Variants in ZNF28 observed in about 807,000 individuals in gnomAD.
The protein encoded by ZNF28 is zinc finger protein KOX24.
Under a neutral mutation model 7.2 loss-of-function variants are expected in ZNF28, and 5 were observed. The ratio of observed to expected loss-of-function variants is 0.70; its 90% confidence interval spans 0.36 to 1.46. ZNF28 has a LOEUF of 1.46. ZNF28 is among the 40% of genes most tolerant of loss of function. The pLI is 0.03. For synonymous variants in ZNF28, 288 were observed against 292.4 expected (o/e 0.99, Z 0.15); for missense variants, 879 against 866.6 (o/e 1.01, Z -0.18).
chr19:52,810,338 T>C (rs1230966449), intron 2 of ZNF28: 4 of 1,603,862 alleles, frequency 2.5e-6, no homozygotes, highest in Non-Finnish European at 2.6e-6. Context: ...TGGACTGCGG[T>C]GCAACAGCAG....
At chr19:52,818,440 C>G (rs921039223) in intron 1 of ZNF28, among the ~76,000 whole-genome samples, 4 of 152,004 alleles carry the variant, frequency 2.6e-5, no homozygotes, top group Admixed American at 6.6e-5. Context: ...GGGCTGGGCT[C>G]AGTGGCTCAT....
At chr19:52,817,215 A>T (rs2063137992) in intron 2 of ZNF28, among the ~76,000 whole-genome samples, 3 of 152,086 alleles carry the variant, frequency 2.0e-5, no homozygotes, top group Admixed American at 2.0e-4. Context: ...TCTACTAAAA[A>T]TACAAAATTA....
chr19:52,813,248 T>TAAAAAAAAA (rs2063076482), intron 2 of ZNF28, among the ~76,000 whole-genome samples: 3 of 4,754 alleles, frequency 6.3e-4, no homozygotes, highest in Non-Finnish European at 1.7e-3. Flanking sequence ...ACTTGAATGG[T>TAAAAAAAAA]GAAAAAAAAA....
At chr19:52,812,355 C>T (rs886898048) in intron 2 of ZNF28, among the ~76,000 whole-genome samples, 2 of 141,244 alleles carry the variant, frequency 1.4e-5, no homozygotes, top group Admixed American at 6.9e-5. Flanking sequence ...ATTGAGAAAT[C>T]GGATGATTGC....
At position 52,801,397 on chromosome 19, in the gene ZNF28, C is replaced by G. The variant is rs1466882451; in HGVS notation, c.448G>C (p.Glu150Gln). The G allele has an allele frequency of 1.2e-6, 2 of 1,614,062 alleles. No homozygotes were observed. The highest frequency in any genetic ancestry group is 1.7e-6 in the Non-Finnish European group (2 of 1,180,052). The change falls in exon 4 of 4, where the codon GAA (glutamate) becomes CAA (glutamine). Residue 150 changes from glutamate (E) to glutamine (Q), a missense_variant. Physicochemically the swap from Glu to Gln is conservative, Grantham distance 29. Transcript: ENST00000457749. ...CCTTCAGGCTGAAATATGTGCAGTTCAGGCAGATGCGAATGAAAGCTTAAT... is the reference window on the plus strand; with the variant it reads ...CCTTCAGGCTGAAATATGTGCAGTTGAGGCAGATGCGAATGAAAGCTTAAT... ...LGLSFHSHLP[E>Q]LHIFQPEGKI...
chr19:52,808,416 GT>G (rs1723065244), intron 2 of ZNF28, among the ~76,000 whole-genome samples: 1 of 152,186 alleles, frequency 6.6e-6, no homozygotes, highest in Admixed American at 6.5e-5. Flanking sequence ...GACACACCAA[GT>G]GACATTCATT....
chr19:52,813,748 G>A (rs10426358), intron 2 of ZNF28, among the ~76,000 whole-genome samples: 77,225 of 145,048 alleles, frequency 0.53, 25,294 homozygotes, highest in Non-Finnish European at 0.68. Context: ...TCTCCGTTCC[G>A]CTCCCAGCAG....
At position 52,801,611 on chromosome 19, in the gene ZNF28, TGC is replaced by T. The variant is rs1203671348; in HGVS notation, c.232_233del (p.Ala78LysfsTer13). On this transcript the variant is annotated frameshift_variant, in exon 4 of 4. Coordinates refer to ENST00000457749, the MANE Select transcript of ZNF28 (RefSeq NM_006969.5). LOFTEE classifies it low-confidence loss of function (END_TRUNC). ...AFHTGTLQRQ[A>X]SHHIGDFCFQ... ...AGCAAAAATCTCCAATGTGATGACT[TGC>T]TTGTCTTTGCAATGTCCCTGTGTGG... 1.2e-6 allele frequency: 2 copies of T among 1,614,162 alleles called. No homozygotes were observed. The highest frequency in any genetic ancestry group is 1.7e-6 in the Non-Finnish European group (2 of 1,180,008).
chr19:52,803,056 C>T (rs766662808), intron 3 of ZNF28, among the ~76,000 whole-genome samples: 6 of 151,704 alleles, frequency 4.0e-5, no homozygotes, highest in Non-Finnish European at 5.9e-5. Context: ...CCACCGCACA[C>T]GGCCGACTTT....
intron 1 of ZNF28, among the ~76,000 whole-genome samples, chr19:52,821,063 C>T (rs76137214): frequency 1.3e-5 from 2 of 152,152 alleles, no homozygotes; most frequent in East Asian, 3.9e-4. Flanking sequence ...CCAACGCGGG[C>T]TCAGGGGAAG....
intron 1 of ZNF28, among the ~76,000 whole-genome samples, chr19:52,818,556 T>C (rs1356135513): frequency 6.6e-6 from 1 of 151,844 alleles, no homozygotes; most frequent in Non-Finnish European, 1.5e-5. Context: ...CTACTAAAAA[T>C]ACAAAAAGTA....
At position 52,800,695 on chromosome 19, in the gene ZNF28, C is replaced by G. The variant is rs2062855016; in HGVS notation, c.1150G>C (p.Glu384Gln). 1 of 1,611,064 alleles carries G rather than the reference C, an allele frequency of 6.2e-7. No individual in the cohort carries two copies. The highest frequency in any genetic ancestry group is 8.5e-7 in the Non-Finnish European group (1 of 1,179,284). Reference sequence around the variant, plus strand: ...AAAACTTTTTCACATTCTTCACATTCATAAGGTTTCTCTCCAGTATGAAGC... The same window carrying G: ...AAAACTTTTTCACATTCTTCACATTGATAAGGTTTCTCTCCAGTATGAAGC... ...RRLHTGEKPY[E>Q]CEECEKVFSR... Residue 384 changes from glutamate (E) to glutamine (Q), a missense_variant, in exon 4 of 4, where the codon GAA becomes CAA. Coordinates refer to ENST00000457749, the MANE Select transcript of ZNF28 (RefSeq NM_006969.5).
At chr19:52,807,896 T>C in intron 3 of ZNF28, 111 bp downstream of exon 3, 1 of 1,535,554 alleles carries the variant, frequency 6.5e-7, no homozygotes, top group Non-Finnish European at 8.9e-7. Context: ...AGCTTTTCAT[T>C]TCAAAATCAA....
Position 52,808,062 on chromosome 19 carries a change from C to T in ZNF28, c.87G>A (p.Gln29=), listed in dbSNP as rs2062959493. The T allele has an allele frequency of 1.9e-6, 3 of 1,613,468 alleles. No individual in the cohort carries two copies. Among genetic ancestry groups the T allele is most frequent in the Admixed American group, 1.7e-5 (1 of 59,980 alleles). The change falls in exon 3 of 4, where the codon CAG becomes CAA. Residue 29 remains glutamine, a synonymous_variant. Coordinates refer to ENST00000457749, the MANE Select transcript of ZNF28 (RefSeq NM_006969.5). ...GCATCACATCCCTGTAAAGAGTCCT[C>T]TGAGCAGGGTCCAGGCATTTCCACT... ...QEEWKCLDPA[Q]RTLYRDVMLE...
At chr19:52,807,274 C>T (rs2062949006) in intron 3 of ZNF28, among the ~76,000 whole-genome samples, 1 of 152,126 alleles carries the variant, frequency 6.6e-6, no homozygotes, top group African/African-American at 2.4e-5. Flanking sequence ...CCCTATGTTT[C>T]TGTAGGAAAG....
chr19:52,803,519 A>G (rs547869779), intron 3 of ZNF28, among the ~76,000 whole-genome samples: 1 of 152,250 alleles, frequency 6.6e-6, no homozygotes, highest in Non-Finnish European at 1.5e-5. Flanking sequence ...AAGTAGATTT[A>G]TACAGACTGA....
At chr19:52,818,659 A>G (rs1242127474) in intron 1 of ZNF28, among the ~76,000 whole-genome samples, 3 of 152,086 alleles carry the variant, frequency 2.0e-5, no homozygotes, top group African/African-American at 7.2e-5. Context: ...GTGACCCAAG[A>G]TCGCGCCACT....
At chr19:52,807,834 T>C (rs2062955542) in intron 3 of ZNF28, 173 bp downstream of exon 3, 3 of 1,111,446 alleles carry the variant, frequency 2.7e-6, no homozygotes, top group African/African-American at 1.6e-5. Context: ...TCATGAAGAA[T>C]GCAGAACCTC....
intron 3 of ZNF28, 109 bp from the exon 4 acceptor site, chr19:52,801,811 A>G (rs1336974737): frequency 2.8e-6 from 3 of 1,060,784 alleles, no homozygotes; most frequent in Non-Finnish European, 4.0e-6. Flanking sequence ...CTTCCCAAAC[A>G]TGATCTTCAA....
Sources: gnomAD v4.1 joint callset for allele counts (sites outside exome capture counted in the v4.1 genomes callset) on GRCh38, gnomAD v4.1.1 for gene constraint, MANE v1.5 for transcripts, NCBI Gene and HGNC (gene_info 2026-07-23, HGNC 2026-07-21) for gene names.